Variants in RFX3 observed in about 807,000 individuals in gnomAD.
The protein encoded by RFX3 is regulatory factor X3, also known as transcription factor RFX3.
RFX3 carries 14 observed loss-of-function variants against 98.6 expected under a neutral mutation model. The ratio of observed to expected loss-of-function variants is 0.14; its 90% CI spans 0.09 to 0.22. The LOEUF (loss-of-function observed/expected upper bound fraction) is 0.22, where lower values mean the gene tolerates loss of function less well. Ranked by LOEUF, RFX3 falls within the 10% of genes least tolerant of loss-of-function variation. The probability of loss-of-function intolerance (pLI) is 1.00; values close to 1 mark genes in which losing one functional copy is unlikely to be tolerated. For synonymous variants in RFX3, 383 were observed against 328.4 expected, an observed-to-expected ratio of 1.17 and a Z score of -1.80; for missense variants, 639 against 926.9, an observed-to-expected ratio of 0.69 and a Z score of 4.03.
At chr9:3,505,250 A>G (rs1460261945) in intron 1 of RFX3, among the ~76,000 whole-genome samples, 1 of 75,746 alleles carries the variant, frequency 1.3e-5, no homozygotes, top group Non-Finnish European at 1.9e-5. Flanking sequence ...TTATATATAT[A>G]TGAATATATA....
intron 1 of RFX3, among the ~76,000 whole-genome samples, chr9:3,482,761 A>G (rs983412075): frequency 3.9e-5 from 6 of 152,178 alleles, no homozygotes; most frequent in Non-Finnish European, 8.8e-5. Context: ...AATGAAACAG[A>G]TATGTATAAG....
At chr9:3,263,867 G>A (rs1164017919) in intron 12 of RFX3, among the ~76,000 whole-genome samples, 5 of 152,088 alleles carry the variant, frequency 3.3e-5, no homozygotes, top group East Asian at 1.9e-4. Flanking sequence ...AAGAAAGAGC[G>A]GTTACCAGGG....
At chr9:3,244,859 G>A (rs1820436124) in intron 15 of RFX3, among the ~76,000 whole-genome samples, 3 of 152,144 alleles carry the variant, frequency 2.0e-5, no homozygotes, top group Admixed American at 2.0e-4. Flanking sequence ...CTCCTCGAAG[G>A]CTGGGTAAAA....
chr9:3,226,015 G>A (rs1278209323), intron 16 of RFX3, among the ~76,000 whole-genome samples: 1 of 152,066 alleles, frequency 6.6e-6, no homozygotes, highest in Non-Finnish European at 1.5e-5. Context: ...ATTAACTAAA[G>A]CATCATTATA....
intron 1 of RFX3, chr9:3,488,790 T>C: frequency 1.0e-6 from 1 of 985,334 alleles, no homozygotes; most frequent in Non-Finnish European, 1.2e-6. Flanking sequence ...AACCACAAGT[T>C]TGAAATGGAG....
intron 1 of RFX3, among the ~76,000 whole-genome samples, chr9:3,401,670 C>T (rs1179878291): frequency 6.6e-6 from 1 of 152,196 alleles, no homozygotes; most frequent in Non-Finnish European, 1.5e-5. Flanking sequence ...CAATTTCAGT[C>T]TAGTCATCCT....
intron 5 of RFX3, among the ~76,000 whole-genome samples, chr9:3,294,444 C>T (rs898008251): frequency 1.6e-4 from 24 of 152,158 alleles, no homozygotes; most frequent in African/African-American, 5.5e-4. Context: ...ATGTGCCAGG[C>T]ATCTAGTGAT....
intron 3 of RFX3, among the ~76,000 whole-genome samples, chr9:3,339,921 C>A (rs1364401779): frequency 6.6e-6 from 1 of 151,864 alleles, no homozygotes; most frequent in Admixed American, 6.6e-5. Context: ...TCATATGGAA[C>A]CAAAAAAGAG....
chr9:3,283,447 ACT>A (rs1312787933), intron 7 of RFX3, among the ~76,000 whole-genome samples: 2 of 146,454 alleles, frequency 1.4e-5, no homozygotes, highest in East Asian at 3.9e-4. Flanking sequence ...TAAGTCATAC[ACT>A]CTGCAGAAGT....
intron 2 of RFX3, among the ~76,000 whole-genome samples, chr9:3,393,452 C>T (rs1840529661): frequency 6.6e-6 from 1 of 152,146 alleles, no homozygotes; most frequent in Admixed American, 6.5e-5. Context: ...CCATCACACT[C>T]TTGTTAGTGA....
chr9:3,327,861 A>G (rs1832102004), intron 4 of RFX3, among the ~76,000 whole-genome samples: 1 of 151,460 alleles, frequency 6.6e-6, no homozygotes, highest in African/African-American at 2.4e-5. Flanking sequence ...TCATACATAC[A>G]TACCTACATA....
intron 2 of RFX3, chr9:3,364,225 G>C (rs571638141): frequency 4.2e-4 from 66 of 157,252 alleles, no homozygotes; most frequent in Non-Finnish European, 7.8e-4. Flanking sequence ...CAAGGTCTCA[G>C]CATTTACCAT....
chr9:3,512,453 A>G (rs1817748532), intron 1 of RFX3, among the ~76,000 whole-genome samples: 1 of 151,964 alleles, frequency 6.6e-6, no homozygotes, highest in African/African-American at 2.4e-5. Flanking sequence ...TGACTTTACA[A>G]CTGTAGGCTG....
rs1586766371 is a variant in RFX3 at position 3,257,344 on chromosome 9, G to A, written c.1606-145C>T. 3.1e-5 allele frequency: 21 copies of A among 671,248 alleles called. No homozygotes were observed. In the East Asian group the frequency reaches 5.2e-4, roughly 16 times the overall value. 41.6% of individuals were successfully genotyped at this position (671,248 alleles called of 1,614,324 possible). ...GAATCCAGAAAATAAAAAACTACTT[G>A]TCAATTGTTAGGGTAACACAATCTT... On this transcript the variant is annotated intron_variant, in intron 13 of 16. Transcript: ENST00000617270.
chr9:3,341,733 C>T (rs955418673), intron 3 of RFX3, among the ~76,000 whole-genome samples: 1 of 152,108 alleles, frequency 6.6e-6, no homozygotes, highest in Non-Finnish European at 1.5e-5. Context: ...AAGGGCAGTC[C>T]TCTCTCCAAA....
At chr9:3,335,745 T>A (rs80090280) in intron 3 of RFX3, among the ~76,000 whole-genome samples, 1 of 152,210 alleles carries the variant, frequency 6.6e-6, no homozygotes, top group Non-Finnish European at 1.5e-5. Flanking sequence ...CACATCGATA[T>A]GTGTATACTT....
At position 3,376,783 on chromosome 9, in the gene RFX3, G is replaced by A. The variant is rs967729003; in HGVS notation, c.117+18689C>T. Among the ~76,000 whole-genome samples, 3 of 152,250 alleles carry A rather than the reference G, an allele frequency of 2.0e-5. No homozygotes were observed. The East Asian group carries it at 5.8e-4, about 29-fold the overall frequency. On this transcript the variant is annotated intron_variant, in intron 2 of 16. Coordinates refer to ENST00000617270, the MANE Select transcript of RFX3 (RefSeq NM_001282116.2). ...ACAACCCCATCAAAAAGTGGGCAAA[G>A]GACATGAACAGACACTTCTCAAAAG...
intron 15 of RFX3, chr9:3,247,493 G>T: frequency 1.4e-6 from 1 of 705,236 alleles, no homozygotes; most frequent in Non-Finnish European, 1.8e-6. Context: ...AAAGTAGAAC[G>T]TATCTCAAAG....
chr9:3,456,749 GA>G (rs894758547), intron 1 of RFX3, among the ~76,000 whole-genome samples: 37 of 151,812 alleles, frequency 2.4e-4, no homozygotes, highest in Middle Eastern at 6.8e-3. Context: ...CCTACATGGG[GA>G]AAAAAAAGTC....
Sources: allele counts gnomAD v4.1 joint callset (sites outside exome capture counted in the v4.1 genomes callset), GRCh38; gene constraint gnomAD v4.1.1; transcripts MANE v1.5; gene names NCBI Gene and HGNC (gene_info 2026-07-23, HGNC 2026-07-21).